Variants in WDPCP observed in about 807,000 individuals in gnomAD.
WDPCP encodes the protein WD repeat containing planar cell polarity effector.
In WDPCP, 71 loss-of-function variants were observed where a neutral mutation model predicts 93.1. The observed-to-expected ratio is 0.76, with a 90% CI of 0.63 to 0.93. WDPCP has a LOEUF of 0.93. WDPCP is among the 40% of genes least tolerant of loss of function. The pLI is 0.00. For synonymous variants in WDPCP, 315 were observed against 315.0 expected (o/e 1.00, Z 0.00); for missense variants, 844 against 887.4 (o/e 0.95, Z 0.62).
chr2:63,760,201 T>G (rs1670035109), intron 2 of WDPCP, among the ~76,000 whole-genome samples: 1 of 152,166 alleles, frequency 6.6e-6, no homozygotes, highest in Non-Finnish European at 1.5e-5. Flanking sequence ...AACAGAATAT[T>G]AAACCCCAAG....
At chr2:63,222,786 AT>A (rs977039757) in intron 14 of WDPCP, among the ~76,000 whole-genome samples, 15 of 152,140 alleles carry the variant, frequency 9.9e-5, no homozygotes, top group African/African-American at 3.1e-4. Context: ...ACATGAATCT[AT>A]TTTTTTAACT....
At chr2:63,696,606 A>G (rs1668964872) in intron 2 of WDPCP, among the ~76,000 whole-genome samples, 3 of 152,202 alleles carry the variant, frequency 2.0e-5, no homozygotes, top group African/African-American at 7.2e-5. Flanking sequence ...GACCCACTAC[A>G]GTTCACTGAG....
intron 13 of WDPCP, among the ~76,000 whole-genome samples, chr2:63,278,235 T>G (rs1054253032): frequency 3.9e-5 from 6 of 151,980 alleles, no homozygotes; most frequent in Admixed American, 2.6e-4. Flanking sequence ...ACACAACCCA[T>G]CAAAATCTCT....
At chr2:63,189,071 G>T (rs1486735823) in intron 14 of WDPCP, among the ~76,000 whole-genome samples, 1 of 152,098 alleles carries the variant, frequency 6.6e-6, no homozygotes, top group Admixed American at 6.6e-5. Context: ...CTTCTTTCCT[G>T]TGTCTTCGCG....
intron 2 of WDPCP, among the ~76,000 whole-genome samples, chr2:63,712,824 G>A (rs1004612205): frequency 1.3e-5 from 2 of 152,186 alleles, no homozygotes; most frequent in Non-Finnish European, 2.9e-5. Flanking sequence ...CTACACCCAA[G>A]TTGCCCTGCC....
intron 2 of WDPCP, among the ~76,000 whole-genome samples, chr2:63,662,501 C>A (rs1710236560): frequency 2.0e-5 from 3 of 152,116 alleles, no homozygotes; most frequent in Non-Finnish European, 4.4e-5. Flanking sequence ...GTTCCCCAAG[C>A]CCTACAGAGC....
At chr2:63,456,187 C>T (rs1375292225) in intron 6 of WDPCP, among the ~76,000 whole-genome samples, 2 of 152,094 alleles carry the variant, frequency 1.3e-5, no homozygotes, top group African/African-American at 2.4e-5. Flanking sequence ...GAGGGCAAGG[C>T]AGGGAGATCA....
At chr2:63,565,890 C>T (rs946897894) in intron 1 of WDPCP, among the ~76,000 whole-genome samples, 24 of 152,294 alleles carry the variant, frequency 1.6e-4, no homozygotes, top group Middle Eastern at 3.4e-3. Flanking sequence ...AGCCATCGCC[C>T]AGTCCTGTCT....
intron 14 of WDPCP, among the ~76,000 whole-genome samples, chr2:63,239,828 A>ATTTAAAAGTATCTTT (rs939184917): frequency 9.8e-5 from 15 of 152,290 alleles, no homozygotes; most frequent in Non-Finnish European, 2.2e-4. Context: ...AGAGGATTTA[A>ATTTAAAAGTATCTTT]TTTAAAAGTA....
At chr2:63,420,372 A>AAAAAAAAAC (rs1695758777) in intron 9 of WDPCP, among the ~76,000 whole-genome samples, 1 of 147,906 alleles carries the variant, frequency 6.8e-6, no homozygotes, top group South Asian at 2.1e-4. Flanking sequence ...AAAAAAAAAA[A>AAAAAAAAAC]AAAACAGAAA....
intron 13 of WDPCP, among the ~76,000 whole-genome samples, chr2:63,301,121 T>C (rs1685299940): frequency 6.6e-6 from 1 of 152,234 alleles, no homozygotes. Context: ...ATGAGGCACA[T>C]TGTTGGTCCT....
chr2:63,648,288 TAGGGGTGTCCC>T (rs2106634619), intron 3 of WDPCP, among the ~76,000 whole-genome samples: 1 of 152,318 alleles, frequency 6.6e-6, no homozygotes, highest in Non-Finnish European at 1.5e-5. Flanking sequence ...ATCTGAGGCT[TAGGGGTGTCCC>T]AGGGATGTGG....
At chr2:63,831,416 A>G (rs1015259785), upstream of WDPCP, among the ~76,000 whole-genome samples, 4 of 152,102 alleles carry the variant, frequency 2.6e-5, no homozygotes, top group Non-Finnish European at 4.4e-5. Flanking sequence ...TTGCCTTTCT[A>G]TCTGGCATAC....
At chr2:63,336,429 G>T (rs1688371232) in intron 12 of WDPCP, among the ~76,000 whole-genome samples, 1 of 152,072 alleles carries the variant, frequency 6.6e-6, no homozygotes, top group Non-Finnish European at 1.5e-5. Flanking sequence ...TCCTTATTTT[G>T]TTCCCAATCT....
intron 2 of WDPCP, among the ~76,000 whole-genome samples, chr2:63,706,584 G>C (rs1048325792): frequency 6.7e-6 from 1 of 150,162 alleles, no homozygotes; most frequent in African/African-American, 2.4e-5. Context: ...TGAAATTCTG[G>C]GTTGAAAATT....
intron 10 of WDPCP, among the ~76,000 whole-genome samples, chr2:63,387,887 G>C (rs1692877267): frequency 6.6e-6 from 1 of 151,960 alleles, no homozygotes; most frequent in African/African-American, 2.4e-5. Flanking sequence ...GCCACAAAAA[G>C]AATAAAACAC....
intron 14 of WDPCP, among the ~76,000 whole-genome samples, chr2:63,252,989 G>C (rs1212096087): frequency 1.3e-5 from 2 of 151,992 alleles, no homozygotes; most frequent in African/African-American, 4.8e-5. Flanking sequence ...GAGCTGGAGG[G>C]ATCACCATTA....
intron 8 of WDPCP, among the ~76,000 whole-genome samples, chr2:63,436,750 A>G (rs1252796679): frequency 6.6e-6 from 1 of 152,132 alleles, no homozygotes; most frequent in Non-Finnish European, 1.5e-5. Context: ...TGTATTACTC[A>G]TCCTAGCAGA....
At chr2:63,319,310 C>A (rs373537665) in intron 12 of WDPCP, among the ~76,000 whole-genome samples, 1 of 152,034 alleles carries the variant, frequency 6.6e-6, no homozygotes, top group Non-Finnish European at 1.5e-5. Flanking sequence ...AAGGAAAGGG[C>A]CTAGTTTCAA....
Sources: allele counts gnomAD v4.1 joint callset (sites outside exome capture counted in the v4.1 genomes callset), GRCh38; gene constraint gnomAD v4.1.1; transcripts MANE v1.5; gene names NCBI Gene and HGNC (gene_info 2026-07-23, HGNC 2026-07-21).